The following MYH11 variants were observed in gnomAD, a reference collection of about 807,000 sequenced individuals.
The protein encoded by MYH11 is myosin heavy chain 11, also known as myosin-11.
A neutral mutation model predicts 246.6 loss-of-function variants in MYH11; 80 were observed. The ratio of observed to expected loss-of-function variants is 0.32; its 90% CI spans 0.27 to 0.39. The LOEUF (loss-of-function observed/expected upper bound fraction) is 0.39, where lower values mean the gene tolerates loss of function less well. MYH11 is among the 10% of genes least tolerant of loss of function. The pLI is 1.00. For missense variants in MYH11, 2,158 were observed against 2,546.8 expected, an observed-to-expected ratio of 0.85 and a Z score of 3.29; for synonymous variants, 1,071 against 1,015.5, an observed-to-expected ratio of 1.05 and a Z score of -1.04.
intron 5 of MYH11, 77 bp from the exon 6 acceptor site, chr16:15,782,554 C>A: frequency 8.5e-7 from 1 of 1,171,984 alleles, no homozygotes; most frequent in Non-Finnish European, 1.3e-6. Flanking sequence ...GATGTTGTCA[C>A]AAAACTCTGC....
intron 27 of MYH11, 97 bp from the exon 28 acceptor site, chr16:15,727,151 G>T: frequency 9.3e-7 from 1 of 1,074,578 alleles, no homozygotes; most frequent in Non-Finnish European, 1.4e-6. Flanking sequence ...GTCCAGGAAG[G>T]CACACAACAG....
At position 15,703,227 on chromosome 16, in the gene MYH11, C is replaced by A; in HGVS notation, c.*764G>T. 1 of 212,102 alleles carries A rather than the reference C, an allele frequency of 4.7e-6. No homozygotes were observed. Among genetic ancestry groups the A allele is most frequent in the Non-Finnish European group, 9.6e-6 (1 of 104,634 alleles). The allele number at this position is 212,102 out of a possible 1,614,324, so 13.1% of individuals were successfully genotyped here. On this transcript the variant is annotated 3_prime_UTR_variant, in exon 41 of 41. Transcript: ENST00000300036. ...TTCCTGCTCCCCTCCGTGGGAGCAG[C>A]GTCTCCTTTTCAATTCATGTGACTA...
chr16:15,712,882 G>GTTTTGTTTTTTTTTTTTTTTTTTTTT (rs2039887695), intron 40 of MYH11: 1 of 90,636 alleles, frequency 1.1e-5, no homozygotes, highest in African/African-American at 4.5e-5. Flanking sequence ...TTCACATACA[G>GTTTTGTTTTTTTTTTTTTTTTTTTTT]TTTTTTTTTT....
At chr16:15,763,741 T>TGGGGCCCCCCCCCCCCCCCCC in intron 10 of MYH11, 55 bp downstream of exon 10, 1 of 646,856 alleles carries the variant, frequency 1.5e-6, no homozygotes, top group East Asian at 3.2e-5. Flanking sequence ...AAATGTCACC[T>TGGGGCCCCCCCCCCCCCCCCC]CCCCCACCCC....
intron 1 of MYH11, among the ~76,000 whole-genome samples, chr16:15,840,324 T>G (rs1285211508): frequency 6.6e-6 from 1 of 152,196 alleles, no homozygotes; most frequent in Non-Finnish European, 1.5e-5. Context: ...AAAGAGATGA[T>G]AAATGTCATT....
chr16:15,745,295 G>A, intron 19 of MYH11, 58 bp from the exon 20 acceptor site: 1 of 1,272,380 alleles, frequency 7.9e-7, no homozygotes, highest in Non-Finnish European at 1.1e-6. Context: ...GCTGTCAACA[G>A]AGCCCTGCCC....
At chr16:15,783,279 C>T (rs2151303960) in intron 5 of MYH11, 1 of 152,484 alleles carries the variant, frequency 6.6e-6, no homozygotes, top group Admixed American at 6.5e-5. Context: ...GGCCTCCAGG[C>T]CCTGGATTCT....
chr16:15,721,230 C>T (rs2040460241), intron 32 of MYH11, 179 bp from the exon 33 acceptor site: 7 of 939,274 alleles, frequency 7.5e-6, no homozygotes, highest in East Asian at 2.6e-5. Context: ...CCTCGGACCC[C>T]CCAACTCAGA....
At chr16:15,758,795 G>A (rs1209024537) in intron 12 of MYH11, among the ~76,000 whole-genome samples, 1 of 149,072 alleles carries the variant, frequency 6.7e-6, no homozygotes. Flanking sequence ...GCGAGACTCT[G>A]TCTAAAAAAA....
Position 15,779,610 on chromosome 16 carries a change from C to T in MYH11, c.727-767G>A, listed in dbSNP as rs533609682. ...ACCCCACCCTGCTCCAAAACATCCACATCATCCAACTATGGATTAAACCTT... is the reference window on the plus strand; with the variant it reads ...ACCCCACCCTGCTCCAAAACATCCATATCATCCAACTATGGATTAAACCTT... On this transcript the variant is annotated intron_variant, in intron 6 of 40. Transcript: ENST00000300036. 5.3e-5 allele frequency among the ~76,000 whole-genome samples: 8 copies of T among 152,344 alleles called. No homozygotes were observed. In the South Asian group the frequency reaches 1.7e-3, roughly 32 times the overall value.
At chr16:15,706,711 AAAAC>A (rs917560174) in intron 40 of MYH11, among the ~76,000 whole-genome samples, 2 of 152,126 alleles carry the variant, frequency 1.3e-5, no homozygotes, top group African/African-American at 2.4e-5. Context: ...TCCAAAAAAA[AAAAC>A]AAAAAAAAAT....
At chr16:15,726,778 A>G (rs1329492024) in intron 28 of MYH11, 70 bp downstream of exon 28, 1 of 1,577,518 alleles carries the variant, frequency 6.3e-7, no homozygotes, top group Non-Finnish European at 8.7e-7. Flanking sequence ...GCGAGCCGGG[A>G]AGAGGCTCCT....
At chr16:15,836,134 G>A (rs765527169) in intron 2 of MYH11, among the ~76,000 whole-genome samples, 1 of 152,142 alleles carries the variant, frequency 6.6e-6, no homozygotes, top group African/African-American at 2.4e-5. Context: ...GCTCGAGGGT[G>A]AGCAAGGCCT....
At chr16:15,789,869 T>C (rs1267283434) in intron 4 of MYH11, among the ~76,000 whole-genome samples, 1 of 152,240 alleles carries the variant, frequency 6.6e-6, no homozygotes, top group African/African-American at 2.4e-5. Context: ...AGGACAGCAG[T>C]GTGCACAAAC....
At chr16:15,849,592 C>T (rs1271315291) in intron 1 of MYH11, among the ~76,000 whole-genome samples, 7 of 152,086 alleles carry the variant, frequency 4.6e-5, no homozygotes, top group Non-Finnish European at 8.8e-5. Flanking sequence ...CAGGCACGCA[C>T]CAGAACACCC....
intron 4 of MYH11, chr16:15,791,099 G>A (rs2042598697): frequency 6.6e-6 from 1 of 151,620 alleles, no homozygotes; most frequent in Admixed American, 6.6e-5. Context: ...GGAACTACAG[G>A]TGCCCGCCAC....
At chr16:15,744,792 C>T (rs1014935267) in intron 20 of MYH11, among the ~76,000 whole-genome samples, 16 of 152,262 alleles carry the variant, frequency 1.1e-4, no homozygotes, top group Admixed American at 4.6e-4. Flanking sequence ...CGTGAGCCGC[C>T]GCCCCCGGCA....
chr16:15,750,199 G>A lies in MYH11; in HGVS notation c.1997C>T (p.Thr666Ile). 2 of 1,614,236 alleles carry A rather than the reference G, an allele frequency of 1.2e-6. No homozygotes were observed. Among genetic ancestry groups the A allele is most frequent in the Non-Finnish European group, 1.7e-6 (2 of 1,180,046 alleles). ...LYKEQLGKLM[T>I]TLRNTTPNFV... Reference sequence around the variant, plus strand: ...GTTGGGCGTGGTGTTGCGTAGCGTGGTCATCAGCTTGCCCAGCTGCTCCTT... The same window carrying A: ...GTTGGGCGTGGTGTTGCGTAGCGTGATCATCAGCTTGCCCAGCTGCTCCTT... Residue 666 changes from threonine to isoleucine, a missense_variant, in exon 16 of 41, where the codon ACC becomes ATC. Thr to Ile is a moderately conservative substitution (Grantham distance 89). Transcript: ENST00000300036. The surrounding 1 kb of genome is among the most constrained non-coding windows in gnomAD (Gnocchi z 4.3).
chr16:15,852,737 A>G (rs559313214), intron 1 of MYH11, among the ~76,000 whole-genome samples: 7 of 152,294 alleles, frequency 4.6e-5, no homozygotes, highest in African/African-American at 1.4e-4. Context: ...TCCTACAGAT[A>G]AATTCATATA....
Sources: allele counts gnomAD v4.1 joint callset (sites outside exome capture counted in the v4.1 genomes callset), GRCh38; gene constraint gnomAD v4.1.1; non-coding constraint Gnocchi (gnomAD v3.1); transcripts MANE v1.5; gene names NCBI Gene and HGNC (gene_info 2026-07-23, HGNC 2026-07-21).